Variants in RPS3 observed in about 807,000 individuals in gnomAD.
RPS3 encodes small ribosomal subunit protein uS3.
In RPS3, 2 loss-of-function variants were observed where a neutral mutation model predicts 25.8. That is an observed-to-expected ratio of 0.08 (90% CI 0.03 to 0.24). The LOEUF is 0.24. Among genes scored for constraint, RPS3 ranks in the 10% least tolerant of loss-of-function variants. The pLI, the probability that RPS3 is intolerant of heterozygous loss-of-function variation, is 1.00. For missense variants in RPS3, 107 were observed against 307.1 expected, an observed-to-expected ratio of 0.35 and a Z score of 4.87; for synonymous variants, 114 against 114.2, an observed-to-expected ratio of 1.00 and a Z score of 0.01.
At chr11:75,402,157 C>T in intron 3 of RPS3, 195 bp from the exon 4 acceptor site, 1 of 732,680 alleles carries the variant, frequency 1.4e-6, no homozygotes, top group Non-Finnish European at 2.2e-6. Flanking sequence ...GGCCACACTA[C>T]TACTGGTAGC....
intron 6 of RPS3, among the ~76,000 whole-genome samples, chr11:75,418,055 A>C (rs1948413608): frequency 6.6e-6 from 1 of 152,222 alleles, no homozygotes; most frequent in Non-Finnish European, 1.5e-5. Context: ...CTCCAGGACC[A>C]CCAGCAACCA....
At chr11:75,418,483 G>A (rs1160022003) in intron 6 of RPS3, among the ~76,000 whole-genome samples, 1 of 151,680 alleles carries the variant, frequency 6.6e-6, no homozygotes, top group Admixed American at 6.6e-5. Context: ...GTGGTGGTAG[G>A]GAAAAAAAAG....
At chr11:75,421,583 C>T (rs1948446320) in intron 6 of RPS3, 1 of 152,246 alleles carries the variant, frequency 6.6e-6, no homozygotes, top group Admixed American at 6.5e-5. Flanking sequence ...ACGTTGGACA[C>T]CTGACAGATT....
intron 6 of RPS3, chr11:75,421,597 G>A (rs1475987615): frequency 1.3e-5 from 2 of 152,254 alleles, no homozygotes; most frequent in East Asian, 3.8e-4. Context: ...ACAGATTCAG[G>A]TGCAGAGCCA....
At chr11:75,422,051 G>T (rs1948452488) in exon 7 of RPS3, 1 of 152,572 alleles carries the variant, frequency 6.6e-6, no homozygotes, top group African/African-American at 2.4e-5. Context: ...AGCGATCGTA[G>T]TAAGAGGTGG....
At chr11:75,418,484 GAAAA>G (rs910184744) in intron 6 of RPS3, among the ~76,000 whole-genome samples, 1 of 151,492 alleles carries the variant, frequency 6.6e-6, no homozygotes, top group South Asian at 2.1e-4. Flanking sequence ...TGGTGGTAGG[GAAAA>G]AAAAGGTAAA....
chr11:75,419,885 C>T (rs968891472), intron 6 of RPS3, among the ~76,000 whole-genome samples: 4 of 152,202 alleles, frequency 2.6e-5, no homozygotes, highest in Non-Finnish European at 5.9e-5. Flanking sequence ...CCACCCACCT[C>T]GGCCTCCCTA....
downstream of RPS3, among the ~76,000 whole-genome samples, chr11:75,409,495 G>C (rs1266299885): frequency 7.8e-6 from 1 of 127,390 alleles, no homozygotes; most frequent in Non-Finnish European, 1.6e-5. Flanking sequence ...AGAGCACAGG[G>C]TTGGGGATAA....
At chr11:75,410,517 G>A (rs1331953007), downstream of RPS3, among the ~76,000 whole-genome samples, 1 of 151,620 alleles carries the variant, frequency 6.6e-6, no homozygotes, top group Non-Finnish European at 1.5e-5. Flanking sequence ...GGGCAGCCAG[G>A]CAGAGGGGCT....
At chr11:75,401,767 C>A in intron 3 of RPS3, 34 bp downstream of exon 3, 1 of 1,184,708 alleles carries the variant, frequency 8.4e-7, no homozygotes, top group South Asian at 1.2e-5. Context: ...GAGGTAATGG[C>A]TCTTCAGAAT....
At chr11:75,416,726 G>A (rs1395910890) in intron 6 of RPS3, among the ~76,000 whole-genome samples, 1 of 152,086 alleles carries the variant, frequency 6.6e-6, no homozygotes, top group African/African-American at 2.4e-5. Context: ...CCAAAGTGCT[G>A]GGATTACAGG....
chr11:75,410,254 G>T (rs1298532780), downstream of RPS3, among the ~76,000 whole-genome samples: 1 of 148,408 alleles, frequency 6.7e-6, no homozygotes, highest in Non-Finnish European at 1.5e-5. Flanking sequence ...TGGACGGAGG[G>T]GCTCCTCACT....
At position 75,400,652 on chromosome 11, in the gene RPS3, A is replaced by T. The variant is rs752561549; in HGVS notation, c.31-42A>T. 5.0e-6 allele frequency: 8 copies of T among 1,604,190 alleles called. No homozygotes were observed. In the African/African-American group the frequency reaches 9.4e-5, roughly 19 times the overall value. ...GACTGGCTCAGGCGAAAGTGAGCCT[A>T]CACCGATCTCCTAATTTTGAACTTT... On this transcript the variant is annotated intron_variant, in intron 1 of 6. Coordinates refer to ENST00000531188, the MANE Select transcript of RPS3 (RefSeq NM_001005.5).
Position 75,404,795 on chromosome 11 carries a change from C to T in RPS3, c.662C>T (p.Thr221Ile). The T allele has an allele frequency of 6.2e-7, 1 of 1,613,840 alleles. No homozygotes were observed. The highest frequency in any genetic ancestry group is 8.5e-7 in the Non-Finnish European group (1 of 1,179,934). Residue 221 changes from threonine (T) to isoleucine (I), a missense_variant, in exon 6 of 7, where the codon ACC becomes ATC. Physicochemically the swap from Thr to Ile is moderately conservative, Grantham distance 89. This residue lies in a region of RPS3 where 81 missense variants were observed against 286.8 expected (regional missense o/e 0.28). Transcript: ENST00000531188. This position sits in a 1 kb window ranked among gnomAD's most constrained non-coding sequence, Gnocchi z 4.6. ...VEPKDEILPTTPISEQKGGKP... is the reference protein window; with the variant it reads ...VEPKDEILPTIPISEQKGGKP... ...CCCAAAGATGAGATACTGCCCACCA[C>T]CCCCATCTCAGAACAGAAGGGTGGG...
At chr11:75,408,029 G>T (rs12269908), downstream of RPS3, among the ~76,000 whole-genome samples, 4,693 of 152,272 alleles carry the variant, frequency 0.031, 239 homozygotes, top group African/African-American at 0.1. Flanking sequence ...ATAGATTACT[G>T]AATTATTGGA....
At chr11:75,412,918 A>G (rs947169506) in intron 6 of RPS3, among the ~76,000 whole-genome samples, 1 of 151,954 alleles carries the variant, frequency 6.6e-6, no homozygotes, top group Non-Finnish European at 1.5e-5. Flanking sequence ...ACTGCAGGCA[A>G]ACGCCACCAT....
At chr11:75,421,105 T>C (rs1231489512) in intron 6 of RPS3, among the ~76,000 whole-genome samples, 1 of 152,306 alleles carries the variant, frequency 6.6e-6, no homozygotes, top group Non-Finnish European at 1.5e-5. Context: ...GCAGGCAGGC[T>C]AACTGTCCCC....
At chr11:75,418,060 C>T (rs1948413656) in intron 6 of RPS3, among the ~76,000 whole-genome samples, 1 of 152,210 alleles carries the variant, frequency 6.6e-6, no homozygotes, top group Non-Finnish European at 1.5e-5. Context: ...GGACCACCAG[C>T]AACCAGGGTG....
At chr11:75,400,573 C>T (rs773904767) in intron 1 of RPS3, 121 bp from the exon 2 acceptor site, 3 of 1,411,070 alleles carry the variant, frequency 2.1e-6, no homozygotes, top group African/African-American at 2.8e-5. Flanking sequence ...GGGTTTGGAA[C>T]CATTGGTTGG....
Sources: gnomAD v4.1 joint callset for allele counts (sites outside exome capture counted in the v4.1 genomes callset) on GRCh38, gnomAD v4.1.1 for gene constraint, gnomAD v4.1.1 regional missense constraint, Gnocchi (gnomAD v3.1) non-coding constraint, MANE v1.5 for transcripts, NCBI Gene and HGNC (gene_info 2026-07-23, HGNC 2026-07-21) for gene names.